KLF12: variants seen among roughly 807,000 people sequenced by gnomAD.
The protein encoded by KLF12 is KLF transcription factor 12.
Under a neutral mutation model 37.8 loss-of-function variants are expected in KLF12, and 9 were observed. That is an observed-to-expected ratio of 0.24 (90% confidence interval 0.14 to 0.42). KLF12 has a LOEUF of 0.42. Ranked by LOEUF, KLF12 falls within the 10% of genes least tolerant of loss-of-function variation. The probability of loss-of-function intolerance (pLI) is 1.00; values close to 1 mark genes in which losing one functional copy is unlikely to be tolerated. For missense variants in KLF12, 411 were observed against 516.0 expected (o/e 0.80, Z 1.97); for synonymous variants, 208 against 202.1 (o/e 1.03, Z -0.25).
chr13:73,842,852 G>C (rs1294819722), intron 4 of KLF12, among the ~76,000 whole-genome samples: 1 of 131,874 alleles, frequency 7.6e-6, no homozygotes, highest in African/African-American at 2.5e-5. Context: ...GCTAAACAAA[G>C]AACTGAGGAA....
At chr13:73,848,144 T>G (rs535059702) in intron 3 of KLF12, among the ~76,000 whole-genome samples, 1 of 152,330 alleles carries the variant, frequency 6.6e-6, no homozygotes, top group East Asian at 1.9e-4. Context: ...CAAAAATTCT[T>G]ATTTTAGAGA....
intron 1 of KLF12, among the ~76,000 whole-genome samples, chr13:74,104,163 A>G (rs897048411): frequency 1.3e-4 from 20 of 152,250 alleles, no homozygotes; most frequent in Non-Finnish European, 2.9e-4. Flanking sequence ...GTGAGTCATC[A>G]CATTTGAACA....
At chr13:74,243,111 C>T in the KLF12 span, among the ~76,000 whole-genome samples, 49 of 152,232 alleles carry the variant, frequency 3.2e-4, no homozygotes, top group South Asian at 1.7e-3. Context: ...CCCCTTGTCC[C>T]CCACCCCTGA....
chr13:73,796,329 T>C (rs1294057623), intron 5 of KLF12, among the ~76,000 whole-genome samples: 1 of 152,186 alleles, frequency 6.6e-6, no homozygotes, highest in Non-Finnish European at 1.5e-5. Context: ...TTGTTTGTCC[T>C]TTTCATAACT....
At chr13:74,124,592 C>T (rs941081384) in intron 1 of KLF12, among the ~76,000 whole-genome samples, 18 of 152,118 alleles carry the variant, frequency 1.2e-4, no homozygotes, top group Non-Finnish European at 2.4e-4. Context: ...TTGTATTCAT[C>T]AGTCAACTTT....
chr13:73,910,271 C>T (rs1566453443), intron 3 of KLF12, among the ~76,000 whole-genome samples: 1 of 152,138 alleles, frequency 6.6e-6, no homozygotes, highest in Non-Finnish European at 1.5e-5. Flanking sequence ...TTGAAAGTCA[C>T]ATCTTTGCCC....
chr13:74,265,446 C>T, the KLF12 span, among the ~76,000 whole-genome samples: 1 of 152,060 alleles, frequency 6.6e-6, no homozygotes, highest in African/African-American at 2.4e-5. Context: ...ATGAAGCTCA[C>T]CAAAGGAAAA....
Position 73,814,978 on chromosome 13 carries a change from C to A in KLF12, c.671-1691G>T, listed in dbSNP as rs1201398490. On this transcript the variant is annotated intron_variant, in intron 4 of 7. Coordinates refer to ENST00000377669, the MANE Select transcript of KLF12 (RefSeq NM_007249.5). ...TTCAGTTCCTATGCAACTATGCTCTCATTTCAACATGGCTAACAAGGAAAT... is the reference window on the plus strand; with the variant it reads ...TTCAGTTCCTATGCAACTATGCTCTAATTTCAACATGGCTAACAAGGAAAT... Among the ~76,000 whole-genome samples the A allele has an allele frequency of 3.3e-5, 5 of 151,766 alleles. No homozygotes were observed. In the East Asian group the frequency reaches 9.7e-4, roughly 29 times the overall value.
the KLF12 span, among the ~76,000 whole-genome samples, chr13:74,188,816 C>T: frequency 7.2e-5 from 11 of 151,868 alleles, no homozygotes; most frequent in South Asian, 2.1e-4. Flanking sequence ...GCCAACATGG[C>T]GAAACCCCGT....
At chr13:74,160,911 C>A in the KLF12 span, among the ~76,000 whole-genome samples, 1 of 152,248 alleles carries the variant, frequency 6.6e-6, no homozygotes, top group East Asian at 1.9e-4. Context: ...GTCCTCTTCA[C>A]CCTCTTCAGC....
intron 3 of KLF12, among the ~76,000 whole-genome samples, chr13:73,938,574 AGAT>A (rs924544771): frequency 1.3e-5 from 2 of 152,232 alleles, no homozygotes; most frequent in Non-Finnish European, 2.9e-5. Flanking sequence ...TCCTGTGCTG[AGAT>A]GATGAGGAAT....
intron 2 of KLF12, among the ~76,000 whole-genome samples, chr13:73,994,538 CCTACTT>C (rs1453258088): frequency 6.6e-6 from 1 of 151,496 alleles, no homozygotes; most frequent in Non-Finnish European, 1.5e-5. Flanking sequence ...CCATGATGAT[CCTACTT>C]CTAGGAGAAA....
chr13:74,012,745 G>A (rs898964703), intron 1 of KLF12, among the ~76,000 whole-genome samples: 2 of 152,204 alleles, frequency 1.3e-5, no homozygotes, highest in African/African-American at 2.4e-5. Context: ...AGTGCTGAAA[G>A]AAATCACTGT....
At chr13:74,006,608 G>C (rs527566310) in intron 1 of KLF12, among the ~76,000 whole-genome samples, 2 of 152,306 alleles carry the variant, frequency 1.3e-5, no homozygotes, top group African/African-American at 4.8e-5. Flanking sequence ...ACCATCTAGG[G>C]AAGGAGACAG....
intron 4 of KLF12, among the ~76,000 whole-genome samples, chr13:73,817,356 A>C (rs1011240674): frequency 2.1e-5 from 3 of 139,934 alleles, no homozygotes; most frequent in East Asian, 2.5e-4. Flanking sequence ...AAACAAAAAA[A>C]AAAAAGAAAG....
At chr13:73,862,728 C>CT (rs1255012726) in intron 3 of KLF12, among the ~76,000 whole-genome samples, 3 of 152,046 alleles carry the variant, frequency 2.0e-5, no homozygotes, top group Admixed American at 2.0e-4. Context: ...AAAACAACAA[C>CT]TGTACGTTAT....
intron 1 of KLF12, among the ~76,000 whole-genome samples, chr13:74,013,401 G>A (rs1340016983): frequency 1.3e-5 from 2 of 152,184 alleles, no homozygotes; most frequent in Non-Finnish European, 2.9e-5. Context: ...TGCACTCTCT[G>A]GAGAGAACCA....
intron 6 of KLF12, among the ~76,000 whole-genome samples, chr13:73,731,901 A>G (rs1305871415): frequency 6.6e-6 from 1 of 152,184 alleles, no homozygotes; most frequent in Admixed American, 6.5e-5. Context: ...GTCTTAGAGA[A>G]ATTTAACACC....
intron 2 of KLF12, among the ~76,000 whole-genome samples, chr13:73,970,441 C>T (rs775774350): frequency 4.6e-5 from 7 of 151,844 alleles, no homozygotes; most frequent in South Asian, 2.1e-4. Flanking sequence ...ACCTCAGATC[C>T]GACATAGCTG....
Sources: allele counts gnomAD v4.1 joint callset (sites outside exome capture counted in the v4.1 genomes callset), GRCh38; gene constraint gnomAD v4.1.1; transcripts MANE v1.5; gene names NCBI Gene and HGNC (gene_info 2026-07-23, HGNC 2026-07-21).